TCFL5: variants seen among roughly 807,000 people sequenced by gnomAD.
The protein encoded by TCFL5 is transcription factor like 5.
A neutral mutation model predicts 44.3 loss-of-function variants in TCFL5; 9 were observed. The observed-to-expected ratio is 0.20, with a 90% CI of 0.12 to 0.35. TCFL5 has a LOEUF of 0.35. Ranked by LOEUF, TCFL5 falls within the 10% of genes least tolerant of loss-of-function variation. The probability of loss-of-function intolerance (pLI) is 1.00; values close to 1 mark genes in which losing one functional copy is unlikely to be tolerated. For synonymous variants in TCFL5, 319 were observed against 271.6 expected, an observed-to-expected ratio of 1.17 and a Z score of -1.72; for missense variants, 603 against 613.4, an observed-to-expected ratio of 0.98 and a Z score of 0.18.
chr20:62,855,202 C>T (rs2063868985), intron 4 of TCFL5, among the ~76,000 whole-genome samples: 1 of 152,136 alleles, frequency 6.6e-6, no homozygotes, highest in African/African-American at 2.4e-5. Context: ...CTTTGTGGCC[C>T]AGGCTGGAGT....
chr20:62,855,066 G>A (rs2063867353), intron 4 of TCFL5, among the ~76,000 whole-genome samples: 1 of 152,232 alleles, frequency 6.6e-6, no homozygotes, highest in African/African-American at 2.4e-5. Context: ...ATAAATGTCG[G>A]AGCAAAATGC....
At chr20:62,846,125 T>G (rs1297455612) in intron 5 of TCFL5, 2 of 1,287,394 alleles carry the variant, frequency 1.6e-6, no homozygotes, top group Non-Finnish European at 2.0e-6. Context: ...AACCTTAAAT[T>G]GGAAGCATTC....
intron 5 of TCFL5, chr20:62,845,195 C>T: frequency 2.1e-6 from 2 of 955,012 alleles, no homozygotes; most frequent in Non-Finnish European, 2.5e-6. Context: ...GATCTCAGCT[C>T]ACTGCAACCT....
At position 62,861,314 on chromosome 20, in the gene TCFL5, G is replaced by T; in HGVS notation, c.357C>A (p.Pro119=). 1 of 1,159,532 alleles carries T rather than the reference G, an allele frequency of 8.6e-7. No homozygotes were observed. Among genetic ancestry groups the T allele is most frequent in the East Asian group, 6.5e-5 (1 of 15,388 alleles). 71.8% of individuals were successfully genotyped at this position (1,159,532 alleles called of 1,614,324 possible). ...CCTGGAAGTCGATGTGGCCCAGGCA[G>T]GGCGCGTCGGCCGCCAGCGCGGACG... ...LCPSALAADA[P]CLGHIDFQEL... Residue 119 remains proline (P), a synonymous_variant, in exon 1 of 6, where the codon CCC becomes CCA. Transcript: ENST00000335351. This position sits in a 1 kb window ranked among gnomAD's most constrained non-coding sequence, Gnocchi z 4.0.
At chr20:62,858,436 C>T (rs1214841273) in intron 3 of TCFL5, among the ~76,000 whole-genome samples, 1 of 152,240 alleles carries the variant, frequency 6.6e-6, no homozygotes, top group African/African-American at 2.4e-5. Flanking sequence ...TGCTTTAATA[C>T]TCATCTTTGT....
intron 5 of TCFL5, chr20:62,845,001 G>A (rs2063723336): frequency 1.0e-6 from 1 of 985,784 alleles, no homozygotes; most frequent in African/African-American, 1.7e-5. Context: ...ACCACCTGGA[G>A]TGACTGGAAC....
Position 62,861,621 on chromosome 20 carries a change from C to T in TCFL5, c.50G>A (p.Gly17Asp). 2 of 1,004,228 alleles carry T rather than the reference C, an allele frequency of 2.0e-6. No homozygotes were observed. Among genetic ancestry groups the T allele is most frequent in the South Asian group, 4.5e-5 (1 of 22,304 alleles). The allele number at this position is 1,004,228 out of a possible 1,614,324, so 62.2% of individuals were successfully genotyped here. ...CGCGCCCTCGACGGCCGCCTCGCCG[C>T]CTGCCGCGCCTGCCTCCGGCGGCGG... ...REPPPEAGAAGGEAAVEGAGG... is the reference protein window; with the variant it reads ...REPPPEAGAADGEAAVEGAGG... The change falls in exon 1 of 6, where the codon GGC becomes GAC. Residue 17 changes from glycine to aspartate, a missense_variant. Coordinates refer to ENST00000335351, the MANE Select transcript of TCFL5 (RefSeq NM_006602.4). This position sits in a 1 kb window ranked among gnomAD's most constrained non-coding sequence, Gnocchi z 4.0.
chr20:62,848,406 A>G (rs556646623), intron 5 of TCFL5, among the ~76,000 whole-genome samples: 1 of 152,346 alleles, frequency 6.6e-6, no homozygotes, highest in South Asian at 2.1e-4. Context: ...GTCTTGCACC[A>G]ATGTTAAATG....
Position 62,857,475 on chromosome 20 carries a change from C to G in TCFL5, c.1158G>C (p.Leu386=). 6.2e-7 allele frequency: 1 copy of G among 1,614,250 alleles called. No homozygotes were observed. Among genetic ancestry groups the G allele is most frequent in the Non-Finnish European group, 8.5e-7 (1 of 1,180,048 alleles). The change falls in exon 4 of 6, where the codon CTG becomes CTC. Residue 386 remains leucine, a synonymous_variant. Transcript: ENST00000335351. The part of the protein sequence containing the change: ...WQSSESSQAN[L]GEQAQSGPQG... Reference sequence around the variant, plus strand: ...GGGGCCCACTCTGGGCCTGCTCCCCCAGGTTTGCCTGTGAGGACTCCGAGG... The same window carrying G: ...GGGGCCCACTCTGGGCCTGCTCCCCGAGGTTTGCCTGTGAGGACTCCGAGG...
intron 5 of TCFL5, chr20:62,852,104 C>T: frequency 1.0e-6 from 1 of 985,454 alleles, no homozygotes; most frequent in Non-Finnish European, 1.2e-6. Context: ...TGCGCCAGGC[C>T]TGGGAGCCCT....
chr20:62,844,296 T>C (rs2063712017), intron 5 of TCFL5, among the ~76,000 whole-genome samples: 1 of 152,266 alleles, frequency 6.6e-6, no homozygotes, highest in African/African-American at 2.4e-5. Context: ...AGTATCTCAT[T>C]GGGTCTTGAT....
intron 5 of TCFL5, chr20:62,844,848 G>A (rs566838021): frequency 4.5e-4 from 437 of 979,758 alleles, no homozygotes; most frequent in Non-Finnish European, 4.8e-4. Flanking sequence ...CACCCACCTC[G>A]GCCTCCCAGA....
intron 5 of TCFL5, among the ~76,000 whole-genome samples, chr20:62,849,141 G>A (rs2063778309): frequency 1.3e-5 from 2 of 152,050 alleles, no homozygotes; most frequent in Admixed American, 1.3e-4. Flanking sequence ...CTTCAGCCTG[G>A]GCAACAGAGC....
intron 1 of TCFL5, 102 bp downstream of exon 1, chr20:62,860,922 G>A: frequency 1.1e-6 from 1 of 896,984 alleles, no homozygotes; most frequent in South Asian, 5.0e-5. Context: ...AGGGCAGGCT[G>A]GGGGCGTGCA....
Position 62,851,603 on chromosome 20 carries a change from C to T in TCFL5, c.1380+2413G>A, listed in dbSNP as rs2063810710. The T allele has an allele frequency of 3.0e-6, 3 of 985,276 alleles. No individual in the cohort carries two copies. The South Asian group carries it at 1.4e-4, about 46-fold the overall frequency. The allele number at this position is 985,276 out of a possible 1,614,324, so 61.0% of individuals were successfully genotyped here. A position where few individuals can be genotyped will look rare whatever the true frequency, so the allele number is the denominator to read the frequency against. ...AACCATAAACGATCCGATCAGAATA[C>T]ATTCAACATAGCATCGCTATAGAAT... is the stretch of plus-strand genomic sequence containing the variant. On this transcript the variant is annotated intron_variant, in intron 5 of 5. Transcript: ENST00000335351.
rs959134043 is a variant in TCFL5, at chr20:62,861,255, G to A, written c.416C>T (p.Ala139Val). The A allele has an allele frequency of 8.3e-7, 1 of 1,198,414 alleles. No individual in the cohort carries two copies. 74.2% of individuals were successfully genotyped at this position (1,198,414 alleles called of 1,614,324 possible). Residue 139 changes from alanine (A) to valine (V), a missense_variant, in exon 1 of 6, where the codon GCG (alanine) becomes GTG (valine). By Grantham distance (64) the Ala-to-Val change is moderately conservative. Around this residue, in one of 4 missense-constraint regions of TCFL5, gnomAD observed 540 missense variants for 478.7 expected, o/e 1.13. Transcript: ENST00000335351. This position sits in a 1 kb window ranked among gnomAD's most constrained non-coding sequence, Gnocchi z 4.0. Reference protein sequence around the residue: ...LRMMLLSEAGAAEKTSGGGDG... With the variant: ...LRMMLLSEAGVAEKTSGGGDG... The stretch of plus-strand genomic sequence containing the variant: ...CCCGCCGCCCGACGTCTTCTCCGCC[G>A]CGCCCGCCTCGCTTAGCAGCATCAT...
At chr20:62,857,999 A>C (rs1176826594) in intron 3 of TCFL5, among the ~76,000 whole-genome samples, 1 of 152,058 alleles carries the variant, frequency 6.6e-6, no homozygotes, top group Non-Finnish European at 1.5e-5. Context: ...TGGAAAAAAA[A>C]AAACAACAAC....
At chr20:62,843,347 G>C (rs1223367251) in intron 5 of TCFL5, among the ~76,000 whole-genome samples, 2 of 152,166 alleles carry the variant, frequency 1.3e-5, no homozygotes, top group East Asian at 3.9e-4. Flanking sequence ...TGATAATGCG[G>C]TTGTGTTTTT....
chr20:62,852,372 G>GGAACTCGGGTCCCCCA (rs2063821711), intron 5 of TCFL5: 1 of 982,060 alleles, frequency 1.0e-6, no homozygotes, highest in African/African-American at 1.8e-5. Flanking sequence ...CGGGTCCCCT[G>GGAACTCGGGTCCCCCA]AAGGCAGGGC....
Sources: gnomAD v4.1 joint callset for allele counts (sites outside exome capture counted in the v4.1 genomes callset) on GRCh38, gnomAD v4.1.1 for gene constraint, gnomAD v4.1.1 regional missense constraint, Gnocchi (gnomAD v3.1) non-coding constraint, MANE v1.5 for transcripts, NCBI Gene and HGNC (gene_info 2026-07-23, HGNC 2026-07-21) for gene names.